The following PTPRA variants were observed in gnomAD, a reference collection of about 807,000 sequenced individuals.
The protein encoded by PTPRA is protein tyrosine phosphatase receptor type A, also known as receptor-type tyrosine-protein phosphatase alpha.
In PTPRA, 25 loss-of-function variants were observed where a neutral mutation model predicts 104.8. That is an observed-to-expected ratio of 0.24 (90% CI 0.17 to 0.33). The LOEUF is 0.33. Ranked by LOEUF, PTPRA falls within the 10% of genes least tolerant of loss-of-function variation. The pLI is 1.00. For missense variants in PTPRA, 765 were observed against 1,015.3 expected, an observed-to-expected ratio of 0.75 and a Z score of 3.35; for synonymous variants, 323 against 368.9, an observed-to-expected ratio of 0.88 and a Z score of 1.43.
At chr20:2,899,541 C>A (rs560879243) in intron 1 of PTPRA, among the ~76,000 whole-genome samples, 1 of 151,924 alleles carries the variant, frequency 6.6e-6, no homozygotes, top group African/African-American at 2.4e-5. Context: ...TGTGGTTGGA[C>A]GGTTTGTAAT....
chr20:2,964,978 C>T lies in PTPRA; in HGVS notation c.191C>T (p.Thr64Ile). ...SSLTSLSVAP[T>I]FSPNITLGPT... ...CTAACTTCTCTTTCTGTGGCACCAA[C>T]ATTCAGCCCAAATATAACTCTGGGA... The change falls in exon 5 of 24, where the codon ACA becomes ATA. Residue 64 changes from threonine (T) to isoleucine (I), a missense_variant. Thr to Ile is a moderately conservative substitution (Grantham distance 89). Around this residue, in one of 4 missense-constraint regions of PTPRA, gnomAD observed 256 missense variants for 248.9 expected, o/e 1.03. Transcript: ENST00000399903. 6.2e-7 allele frequency: 1 copy of T among 1,613,984 alleles called. No homozygotes were observed. The highest frequency in any genetic ancestry group is 8.5e-7 in the Non-Finnish European group (1 of 1,179,824).
chr20:2,967,422 C>G (rs1292023430), intron 5 of PTPRA, among the ~76,000 whole-genome samples: 2 of 152,154 alleles, frequency 1.3e-5, no homozygotes, highest in Non-Finnish European at 2.9e-5. Context: ...GTAACAGTTA[C>G]AATTTTTTAT....
intron 2 of PTPRA, among the ~76,000 whole-genome samples, chr20:2,929,106 C>T (rs947989091): frequency 6.6e-6 from 1 of 152,004 alleles, no homozygotes. Flanking sequence ...AGTATGCCAC[C>T]ACACCTGGCT....
intron 9 of PTPRA, among the ~76,000 whole-genome samples, chr20:3,003,787 C>T (rs987374755): frequency 6.6e-6 from 1 of 150,678 alleles, no homozygotes; most frequent in African/African-American, 2.5e-5. Flanking sequence ...CTCAAGTAGT[C>T]CTCCCACCTC....
At chr20:2,947,293 G>A (rs1197720194) in intron 2 of PTPRA, among the ~76,000 whole-genome samples, 1 of 152,114 alleles carries the variant, frequency 6.6e-6, no homozygotes, top group East Asian at 1.9e-4. Flanking sequence ...AAGATAAATA[G>A]CATATTTCTC....
chr20:2,995,289 T>C (rs1413565994), intron 9 of PTPRA, among the ~76,000 whole-genome samples: 1 of 152,204 alleles, frequency 6.6e-6, no homozygotes, highest in Non-Finnish European at 1.5e-5. Context: ...TTTACTTTTT[T>C]TCCCCCGCTG....
At chr20:3,007,237 C>T (rs1312843494) in intron 10 of PTPRA, 107 bp from the exon 11 acceptor site, 7 of 1,056,172 alleles carry the variant, frequency 6.6e-6, no homozygotes, top group East Asian at 2.5e-5. Flanking sequence ...TTTATACAAG[C>T]GTGAGTCTGT....
At chr20:3,002,574 G>A (rs867932277) in intron 9 of PTPRA, among the ~76,000 whole-genome samples, 4 of 151,956 alleles carry the variant, frequency 2.6e-5, no homozygotes, top group Non-Finnish European at 5.9e-5. Flanking sequence ...TGATCCACCC[G>A]CCTCGGCCTC....
chr20:2,866,752 TC>T, the PTPRA span: 1 of 955,210 alleles, frequency 1.0e-6, no homozygotes, highest in Non-Finnish European at 1.5e-6. Context: ...TCTTACACAG[TC>T]CAGCCTAAGC....
At chr20:3,032,245 T>C (rs184894842) in intron 20 of PTPRA, among the ~76,000 whole-genome samples, 2 of 152,208 alleles carry the variant, frequency 1.3e-5, no homozygotes, top group Non-Finnish European at 2.9e-5. Flanking sequence ...TCAATCCACC[T>C]GTCCACTGTG....
intron 20 of PTPRA, among the ~76,000 whole-genome samples, chr20:3,032,445 G>A (rs1480433919): frequency 6.6e-6 from 1 of 152,022 alleles, no homozygotes; most frequent in Admixed American, 6.5e-5. Flanking sequence ...CTATTTCTCT[G>A]CACCCCTTCC....
intron 2 of PTPRA, among the ~76,000 whole-genome samples, chr20:2,933,639 T>A (rs562747513): frequency 1.3e-5 from 2 of 152,182 alleles, no homozygotes; most frequent in African/African-American, 4.8e-5. Flanking sequence ...TTTTATAATT[T>A]TTGTAGAGAT....
chr20:3,034,282 A>G (rs935205667), intron 20 of PTPRA, among the ~76,000 whole-genome samples: 2 of 152,184 alleles, frequency 1.3e-5, no homozygotes, highest in Non-Finnish European at 2.9e-5. Flanking sequence ...AAAGAAAAAA[A>G]AAATGAGACT....
At chr20:2,962,729 C>T (rs984014997) in intron 3 of PTPRA, among the ~76,000 whole-genome samples, 2 of 152,196 alleles carry the variant, frequency 1.3e-5, no homozygotes, top group Non-Finnish European at 2.9e-5. Context: ...TGATCACAGC[C>T]TAGGAAGAAT....
chr20:2,969,978 T>TAAATAAATA (rs1555807324), intron 5 of PTPRA, among the ~76,000 whole-genome samples: 1 of 149,990 alleles, frequency 6.7e-6, no homozygotes, highest in Non-Finnish European at 1.5e-5. Context: ...TCTAAATAAA[T>TAAATAAATA]AATAAATAAA....
chr20:3,022,320 G>A lies in PTPRA; in HGVS notation c.1328+100G>A. 9 of 1,435,926 alleles carry A rather than the reference G, an allele frequency of 6.3e-6. No individual in the cohort carries two copies. The highest frequency in any genetic ancestry group is 7.6e-6 in the Non-Finnish European group (8 of 1,049,960). The allele number at this position is 1,435,926 out of a possible 1,614,324, so 88.9% of individuals were successfully genotyped here. ...GGCCCTGGCTGAGGAGGCTGGCACA[G>A]AGTAGATGACCTACTGGGGCACCAG... is the stretch of plus-strand genomic sequence containing the variant. On this transcript the variant is annotated intron_variant, in intron 15 of 23. Transcript: ENST00000399903. The surrounding 1 kb of genome is among the most constrained non-coding windows in gnomAD (Gnocchi z 4.6).
At chr20:2,998,338 G>A (rs536166998) in intron 9 of PTPRA, among the ~76,000 whole-genome samples, 4 of 152,292 alleles carry the variant, frequency 2.6e-5, no homozygotes, top group Admixed American at 2.6e-4. Context: ...GGTGAAGAAG[G>A]CATGTGTGTG....
chr20:2,976,002 G>A (rs1468738482), intron 6 of PTPRA, among the ~76,000 whole-genome samples: 1 of 151,990 alleles, frequency 6.6e-6, no homozygotes, highest in Admixed American at 6.6e-5. Context: ...AATTTTCCCT[G>A]TGTAATTAAG....
At position 3,037,367 on chromosome 20, in the gene PTPRA, C is replaced by T. The variant is rs2065849446; in HGVS notation, c.2334+78C>T. The T allele has an allele frequency of 1.9e-6, 3 of 1,575,608 alleles. No homozygotes were observed. The highest frequency in any genetic ancestry group is 1.3e-5 in the African/African-American group (1 of 74,172). On this transcript the variant is annotated intron_variant, in intron 23 of 23. Transcript: ENST00000399903. This position sits in a 1 kb window ranked among gnomAD's most constrained non-coding sequence, Gnocchi z 4.3. Reference sequence around the variant, plus strand: ...TCAGGGAGGAGGCTCTTCAGAGGGGCCCACCCAGTAGTCAGAAGACTGTCT... The same window carrying T: ...TCAGGGAGGAGGCTCTTCAGAGGGGTCCACCCAGTAGTCAGAAGACTGTCT...
Sources: gnomAD v4.1 joint callset for allele counts (sites outside exome capture counted in the v4.1 genomes callset) on GRCh38, gnomAD v4.1.1 for gene constraint, gnomAD v4.1.1 regional missense constraint, Gnocchi (gnomAD v3.1) non-coding constraint, MANE v1.5 for transcripts, NCBI Gene and HGNC (gene_info 2026-07-23, HGNC 2026-07-21) for gene names.